The following VCAN variants were observed in gnomAD, a reference collection of about 807,000 sequenced individuals.
VCAN encodes the protein versican core protein.
A neutral mutation model predicts 245.5 loss-of-function variants in VCAN; 44 were observed. That is an observed-to-expected ratio of 0.18 (90% CI 0.14 to 0.23). The LOEUF is 0.23. Ranked by LOEUF, VCAN falls within the 10% of genes least tolerant of loss-of-function variation. The probability of loss-of-function intolerance (pLI) is 1.00; values close to 1 mark genes in which losing one functional copy is unlikely to be tolerated. For synonymous variants in VCAN, 1,413 were observed against 1,437.0 expected (o/e 0.98, Z 0.38); for missense variants, 3,793 against 4,057.9 (o/e 0.93, Z 1.77).
chr5:83,493,500 T>C, intron 3 of VCAN, 46 bp from the exon 4 acceptor site: 1 of 1,611,984 alleles, frequency 6.2e-7, no homozygotes, highest in African/African-American at 1.3e-5. Context: ...CACAGTGCAG[T>C]GGGAGATTTG....
At chr5:83,575,442 C>G (rs1028661846) in intron 13 of VCAN, among the ~76,000 whole-genome samples, 7 of 152,092 alleles carry the variant, frequency 4.6e-5, no homozygotes, top group Non-Finnish European at 1.0e-4. Flanking sequence ...CGTCTCTATC[C>G]AAATGTCATG....
intron 2 of VCAN, among the ~76,000 whole-genome samples, chr5:83,487,128 C>T (rs754305403): frequency 6.6e-6 from 1 of 152,052 alleles, no homozygotes; most frequent in Non-Finnish European, 1.5e-5. Flanking sequence ...TGATGTTCCC[C>T]TTATAGTAGG....
intron 12 of VCAN, among the ~76,000 whole-genome samples, chr5:83,561,022 T>C: frequency 6.6e-6 from 1 of 152,140 alleles, no homozygotes; most frequent in East Asian, 1.9e-4. Context: ...GTTTTTGGAA[T>C]ATTTAGTTTG....
chr5:83,541,688 C>A lies in VCAN; in HGVS notation c.8685C>A (p.Asp2895Glu). Residue 2895 changes from aspartate (D) to glutamate (E), a missense_variant, in exon 8 of 15, where the codon GAC becomes GAA. By Grantham distance (45) the Asp-to-Glu change is conservative (BLOSUM62 2). Around this residue, in one of 5 missense-constraint regions of VCAN, gnomAD observed 3,182 missense variants for 3,250.3 expected, o/e 0.98. Coordinates refer to ENST00000265077, the MANE Select transcript of VCAN (RefSeq NM_004385.5). ...CTGAGCCTCCCTCTTTATCTCCTGA[C>A]ACAAAATTAGAACCTTCAGAAGATG... ...HITEPPSLSP[D>E]TKLEPSEDDG... 6.2e-7 allele frequency: 1 copy of A among 1,613,890 alleles called. No individual in the cohort carries two copies. Among genetic ancestry groups the A allele is most frequent in the Non-Finnish European group, 8.5e-7 (1 of 1,179,992 alleles).
rs201077399 is a variant in VCAN at position 83,521,737 on chromosome 5, G to T, written c.3431G>T (p.Gly1144Val). Residue 1144 changes from glycine to valine, a missense_variant, in exon 7 of 15, where the codon GGT becomes GTT. Transcript: ENST00000265077. Reference sequence around the variant, plus strand: ...CCTGAACAAAAATATGAAACAGAAGGTAGTAGTACAACAGGATTTACATCA... The same window carrying T: ...CCTGAACAAAAATATGAAACAGAAGTTAGTAGTACAACAGGATTTACATCA... ...PGPEQKYETE[G>V]SSTTGFTSSL... 6.2e-7 allele frequency: 1 copy of T among 1,613,898 alleles called. No individual in the cohort carries two copies.
intron 8 of VCAN, among the ~76,000 whole-genome samples, chr5:83,543,498 G>A (rs1747083657): frequency 1.3e-5 from 2 of 152,186 alleles, no homozygotes; most frequent in Non-Finnish European, 2.9e-5. Context: ...TTCAGAAAGA[G>A]TAAAATAGAA....
At position 83,512,401 on chromosome 5, in the gene VCAN, GTGTT is replaced by G. The variant is rs775996920; in HGVS notation, c.1042+8_1042+11del. 43 of 1,612,094 alleles carry G rather than the reference GTGTT, an allele frequency of 2.7e-5. No homozygotes were observed. Among genetic ancestry groups the G allele is most frequent in the Admixed American group, 6.7e-5 (4 of 59,892 alleles). On this transcript the variant is annotated splice_donor_region_variant and intron_variant, in intron 6 of 14. Coordinates refer to ENST00000265077, the MANE Select transcript of VCAN (RefSeq NM_004385.5). ...TTGATGCCTACTGCTTTAAACGTAA[GTGTT>G]TGATACCTTTTTAAAAATTACAGTT...
chr5:83,486,842 G>A (rs1000245754), intron 2 of VCAN, among the ~76,000 whole-genome samples: 1 of 152,136 alleles, frequency 6.6e-6, no homozygotes, highest in African/African-American at 2.4e-5. Context: ...AGAGGTGAAA[G>A]TTACAAATAT....
rs762092288 is a variant in VCAN at position 83,493,888 on chromosome 5, C to A, written c.705C>A (p.Pro235=). The part of the protein sequence containing the change: ...AGVRTYGFRS[P]QETYDVYCYV... ...TCAGGACTTATGGATTCCGTTCTCC[C>A]CAGGAAACTTACGATGTGTATTGTT... Residue 235 remains proline, a synonymous_variant, in exon 5 of 15, where the codon CCC becomes CCA. Coordinates refer to ENST00000265077, the MANE Select transcript of VCAN (RefSeq NM_004385.5). 1 of 1,613,934 alleles carries A rather than the reference C, an allele frequency of 6.2e-7. No individual in the cohort carries two copies. Among genetic ancestry groups the A allele is most frequent in the Non-Finnish European group, 8.5e-7 (1 of 1,179,998 alleles).
chr5:83,559,315 T>A (rs1049679884), intron 12 of VCAN, among the ~76,000 whole-genome samples: 2 of 152,206 alleles, frequency 1.3e-5, no homozygotes, highest in African/African-American at 4.8e-5. Context: ...GCTAATGACC[T>A]TTCCCTTCCC....
intron 1 of VCAN, among the ~76,000 whole-genome samples, chr5:83,482,447 C>G (rs1200509027): frequency 6.6e-6 from 1 of 152,314 alleles, no homozygotes; most frequent in African/African-American, 2.4e-5. Flanking sequence ...AAGATCATCC[C>G]TTGGGCTGGG....
chr5:83,495,271 GA>G (rs1323101702), intron 5 of VCAN, among the ~76,000 whole-genome samples: 12 of 152,230 alleles, frequency 7.9e-5, no homozygotes, highest in African/African-American at 2.4e-4. Flanking sequence ...CTTAGAGCCC[GA>G]AAGCTAGAAT....
intron 8 of VCAN, among the ~76,000 whole-genome samples, chr5:83,543,331 T>C (rs1223308629): frequency 6.6e-6 from 1 of 152,186 alleles, no homozygotes; most frequent in Non-Finnish European, 1.5e-5. Flanking sequence ...AGCTGCTACC[T>C]GCAAAAAGAG....
chr5:83,546,699 C>T (rs746713592), intron 9 of VCAN, among the ~76,000 whole-genome samples: 6 of 152,016 alleles, frequency 3.9e-5, no homozygotes, highest in East Asian at 3.9e-4. Context: ...GCTGTGTTCA[C>T]GCTACTGCAC....
In VCAN at chr5:83,507,014, G is replaced by T. The variant is rs536804241; in HGVS notation, c.749-5089G>T. On this transcript the variant is annotated intron_variant, in intron 5 of 14. Coordinates refer to ENST00000265077, the MANE Select transcript of VCAN (RefSeq NM_004385.5). ...CTTCCACAACACATGGGAATTTTGG[G>T]AGATACAATTCAAGCTGAGATTTGG... Among the ~76,000 whole-genome samples, 15 of 152,236 alleles carry T rather than the reference G, an allele frequency of 9.9e-5. No individual in the cohort carries two copies. The South Asian group carries it at 3.1e-3, about 32-fold the overall frequency.
Position 83,540,925 on chromosome 5 carries a change from A to C in VCAN, c.7922A>C (p.Asp2641Ala). Residue 2641 changes from aspartate to alanine, a missense_variant, in exon 8 of 15, where the codon GAT becomes GCT. Physicochemically the swap from Asp to Ala is moderately radical, Grantham distance 126 (BLOSUM62 -2). Around this residue, in one of 5 missense-constraint regions of VCAN, gnomAD observed 3,182 missense variants for 3,250.3 expected, o/e 0.98. Transcript: ENST00000265077. ...GAGGAAACATTTGAGGGCTCTGCTG[A>C]TGTTCTGGCTAGCTACACTCAGGCA... ...LTEETFEGSA[D>A]VLASYTQATH... 1.2e-6 allele frequency: 2 copies of C among 1,614,002 alleles called. No homozygotes were observed. The highest frequency in any genetic ancestry group is 1.7e-6 in the Non-Finnish European group (2 of 1,179,976).
At chr5:83,472,493 C>A (rs1580586756) in intron 1 of VCAN, among the ~76,000 whole-genome samples, 1 of 152,284 alleles carries the variant, frequency 6.6e-6, no homozygotes. Context: ...TGCAGGCCAC[C>A]TGGTTTCCCA....
Position 83,540,084 on chromosome 5 carries a change from C to G in VCAN, c.7081C>G (p.Gln2361Glu). Reference sequence around the variant, plus strand: ...CACGGACATCGGACATCCTCAAAATCAGACTGTCAGGTGGGCAGAAGAAAT... The same window carrying G: ...CACGGACATCGGACATCCTCAAAATGAGACTGTCAGGTGGGCAGAAGAAAT... ...FSTDIGHPQN[Q>E]TVRWAEEIQT... Residue 2361 changes from glutamine (Q) to glutamate (E), a missense_variant, in exon 8 of 15, where the codon CAG becomes GAG. By Grantham distance (29) the Gln-to-Glu change is conservative (BLOSUM62 2). Transcript: ENST00000265077. The G allele has an allele frequency of 6.2e-7, 1 of 1,614,032 alleles. No individual in the cohort carries two copies. The highest frequency in any genetic ancestry group is 8.5e-7 in the Non-Finnish European group (1 of 1,179,992).
intron 5 of VCAN, among the ~76,000 whole-genome samples, chr5:83,509,964 T>C (rs1745601541): frequency 6.6e-6 from 1 of 152,264 alleles, no homozygotes; most frequent in African/African-American, 2.4e-5. Context: ...AGCTTCTTAA[T>C]AAGAACTTGA....
Sources: allele counts gnomAD v4.1 joint callset (sites outside exome capture counted in the v4.1 genomes callset), GRCh38; gene constraint gnomAD v4.1.1; regional missense constraint gnomAD v4.1.1; transcripts MANE v1.5; gene names NCBI Gene and HGNC (gene_info 2026-07-23, HGNC 2026-07-21).